The following F5 variants were observed in gnomAD, a reference collection of about 807,000 sequenced individuals.
The protein encoded by F5 is coagulation factor V.
F5 carries 138 observed loss-of-function variants against 216.4 expected under a neutral mutation model. That is an observed-to-expected ratio of 0.64 (90% CI 0.56 to 0.73). The LOEUF (loss-of-function observed/expected upper bound fraction) is 0.73. Ranked by LOEUF, F5 falls within the 30% of genes least tolerant of loss-of-function variation. F5 has a pLI of 0.00. For missense variants in F5, 2,403 were observed against 2,674.0 expected (o/e 0.90, Z 2.24); for synonymous variants, 916 against 930.7 (o/e 0.98, Z 0.29).
intron 14 of F5, among the ~76,000 whole-genome samples, chr1:169,534,869 C>T (rs1659670534): frequency 6.6e-6 from 1 of 152,098 alleles, no homozygotes; most frequent in African/African-American, 2.4e-5. Context: ...ACTGAAATCA[C>T]GTCCTTTGCA....
intron 10 of F5, among the ~76,000 whole-genome samples, chr1:169,548,642 T>TG (rs1181409583): frequency 6.6e-6 from 1 of 152,022 alleles, no homozygotes; most frequent in Non-Finnish European, 1.5e-5. Flanking sequence ...CTGAGGCAGG[T>TG]GGAACACCTT....
intron 13 of F5, among the ~76,000 whole-genome samples, chr1:169,539,025 C>T (rs534026793): frequency 1.3e-5 from 2 of 151,988 alleles, no homozygotes; most frequent in Admixed American, 1.3e-4. Flanking sequence ...TATTTTTGTT[C>T]CAAAATAAAA....
intron 5 of F5, among the ~76,000 whole-genome samples, chr1:169,558,952 C>T (rs1660393770): frequency 6.6e-6 from 1 of 151,542 alleles, no homozygotes; most frequent in African/African-American, 2.4e-5. Flanking sequence ...CTATACCTAA[C>T]AAGGCTGCAC....
intron 22 of F5, among the ~76,000 whole-genome samples, chr1:169,519,746 C>T (rs1195286558): frequency 6.6e-6 from 1 of 152,180 alleles, no homozygotes; most frequent in East Asian, 1.9e-4. Context: ...AGCCCTTCAG[C>T]AGCCAAGTGG....
intron 1 of F5, among the ~76,000 whole-genome samples, chr1:169,584,280 A>G (rs1661052570): frequency 6.6e-6 from 1 of 151,712 alleles, no homozygotes; most frequent in South Asian, 2.2e-4. Context: ...AAAATAATCT[A>G]TCTGATTAAA....
intron 3 of F5, among the ~76,000 whole-genome samples, chr1:169,564,503 T>C (rs554190720): frequency 6.6e-6 from 1 of 152,166 alleles, no homozygotes; most frequent in South Asian, 2.1e-4. Flanking sequence ...TCTGGTTTGT[T>C]ACTCTTCTTT....
chr1:169,545,890 T>G (rs764336941), intron 11 of F5, among the ~76,000 whole-genome samples: 1 of 152,198 alleles, frequency 6.6e-6, no homozygotes, highest in Non-Finnish European at 1.5e-5. Flanking sequence ...CCACTGAACT[T>G]TAGAACTGCA....
intron 13 of F5, among the ~76,000 whole-genome samples, chr1:169,538,757 C>T (rs202217499): frequency 6.6e-6 from 1 of 152,078 alleles, no homozygotes; most frequent in East Asian, 1.9e-4. Context: ...AAATGGAGAT[C>T]AGACTACTGG....
chr1:169,553,122 T>C (rs765374066), intron 7 of F5, among the ~76,000 whole-genome samples: 3 of 152,234 alleles, frequency 2.0e-5, no homozygotes, highest in Non-Finnish European at 4.4e-5. Flanking sequence ...AAGGTATTTC[T>C]TAATCCCTAA....
intron 23 of F5, 56 bp from the exon 24 acceptor site, chr1:169,515,682 T>C: frequency 6.3e-7 from 1 of 1,578,802 alleles, no homozygotes; most frequent in Non-Finnish European, 8.6e-7. Flanking sequence ...TTTGCTTTTT[T>C]TTTAGACCAA....
chr1:169,529,703 G>A lies in F5; in HGVS notation c.5324C>T (p.Thr1775Ile). The A allele has an allele frequency of 6.2e-7, 1 of 1,613,762 alleles. No individual in the cohort carries two copies. The highest frequency in any genetic ancestry group is 1.1e-5 in the South Asian group (1 of 91,072). ...GTACCAGCTCTTCTTTTCATCAAAG[G>A]TCATAAATAGTAAGACAAATTCTCT... ...DMREFVLLFM[T>I]FDEKKSWYYE... The change falls in exon 16 of 25, where the codon ACC (threonine) becomes ATC (isoleucine). Residue 1775 changes from threonine (T) to isoleucine (I), a missense_variant. Physicochemically the swap from Thr to Ile is moderately conservative, Grantham distance 89. This residue lies in a region of F5 where 659 missense variants were observed against 787.9 expected (regional missense o/e 0.84). Transcript: ENST00000367797.
At chr1:169,571,461 A>G (rs985457577) in intron 3 of F5, among the ~76,000 whole-genome samples, 2 of 152,160 alleles carry the variant, frequency 1.3e-5, no homozygotes, top group Admixed American at 1.3e-4. Context: ...GAAATGATAA[A>G]GCTAGAATTT....
intron 2 of F5, among the ~76,000 whole-genome samples, chr1:169,578,199 G>A (rs1190814899): frequency 6.6e-6 from 1 of 152,174 alleles, no homozygotes; most frequent in African/African-American, 2.4e-5. Flanking sequence ...TGGACATTCA[G>A]GAAGAGATTA....
intron 9 of F5, 103 bp downstream of exon 9, chr1:169,550,537 C>A (rs942562983): frequency 6.9e-5 from 58 of 841,516 alleles, no homozygotes; most frequent in Middle Eastern, 4.3e-4. Context: ...ATGTATACTA[C>A]CTGACTGCAG....
chr1:169,547,528 G>A (rs141985961), intron 10 of F5, among the ~76,000 whole-genome samples: 2 of 152,130 alleles, frequency 1.3e-5, no homozygotes, highest in African/African-American at 4.8e-5. Flanking sequence ...AGTAGGCCAA[G>A]GACAGGAACA....
chr1:169,583,439 C>G (rs1358669606), intron 1 of F5, among the ~76,000 whole-genome samples: 1 of 152,168 alleles, frequency 6.6e-6, no homozygotes, highest in African/African-American at 2.4e-5. Flanking sequence ...GGCTAGGGTG[C>G]AGGCTGTGAA....
rs536150657 is a variant in F5 at position 169,523,242 on chromosome 1, C to T, written c.6003G>A (p.Gln2001=). The change falls in exon 21 of 25, where the codon CAG becomes CAA. Residue 2001 remains glutamine (Q), a synonymous_variant. Coordinates refer to ENST00000367797, the MANE Select transcript of F5 (RefSeq NM_000130.5). ...TEFYVAYSSN[Q]INWQIFKGNS... is the part of the protein sequence containing the mutation. ...TCCCTTTGAAGATCTGCCAGTTGAT[C>T]TGGTTGGAACTGTAAGCTACATAGA... The T allele has an allele frequency of 2.5e-6, 4 of 1,613,966 alleles. No homozygotes were observed. The highest frequency in any genetic ancestry group is 3.4e-6 in the Non-Finnish European group (4 of 1,179,984).
intron 1 of F5, 92 bp from the exon 2 acceptor site, chr1:169,582,614 T>C (rs1317994301): frequency 3.0e-6 from 2 of 656,652 alleles, no homozygotes; most frequent in East Asian, 5.7e-5. Context: ...ATCTTCAGAC[T>C]TCTAGTAGAA....
chr1:169,522,368 A>T (rs1206595373), intron 21 of F5, among the ~76,000 whole-genome samples: 1 of 152,154 alleles, frequency 6.6e-6, no homozygotes, highest in Non-Finnish European at 1.5e-5. Flanking sequence ...AAAGACAATT[A>T]AAAAAATAAA....
Sources: gnomAD v4.1 joint callset for allele counts (sites outside exome capture counted in the v4.1 genomes callset) on GRCh38, gnomAD v4.1.1 for gene constraint, gnomAD v4.1.1 regional missense constraint, MANE v1.5 for transcripts, NCBI Gene and HGNC (gene_info 2026-07-23, HGNC 2026-07-21) for gene names.